DCLK2: variants seen among roughly 807,000 people sequenced by gnomAD.
The protein encoded by DCLK2 is serine/threonine-protein kinase DCLK2.
DCLK2 carries 31 observed loss-of-function variants against 78.4 expected under a neutral mutation model. The ratio of observed to expected loss-of-function variants is 0.40; its 90% confidence interval spans 0.30 to 0.53. The LOEUF is 0.53. DCLK2 is among the 20% of genes least tolerant of loss of function. DCLK2 has a pLI of 0.61. For synonymous variants in DCLK2, 407 were observed against 374.9 expected (o/e 1.09, Z -0.99); for missense variants, 872 against 973.7 (o/e 0.90, Z 1.39).
intron 15 of DCLK2, chr4:150,254,482 C>A: frequency 2.5e-6 from 1 of 398,818 alleles, no homozygotes; most frequent in Non-Finnish European, 4.4e-6. Flanking sequence ...GCCACACACG[C>A]CCCTGTGCTT....
chr4:150,169,801 C>G (rs1736379044), intron 2 of DCLK2, among the ~76,000 whole-genome samples: 1 of 152,134 alleles, frequency 6.6e-6, no homozygotes, highest in South Asian at 2.1e-4. Flanking sequence ...ATGATCTAAT[C>G]CATTGGTGGC....
rs1744646199 is a variant in DCLK2 at position 150,257,434 on chromosome 4, A to G, written c.*1187A>G. The G allele has an allele frequency of 6.6e-6, 1 of 152,628 alleles. No homozygotes were observed. The highest frequency in any genetic ancestry group is 1.5e-5 in the Non-Finnish European group (1 of 68,052). The allele number at this position is 152,628 out of a possible 1,614,324, so 9.5% of individuals were successfully genotyped here. ...CTGCAATAAACTTTTCCCTCTTGAA[A>G]AAAAGTAATCAGGGATGGGCAAAGG... On this transcript the variant is annotated 3_prime_UTR_variant, in exon 16 of 16. Coordinates refer to ENST00000296550, the MANE Select transcript of DCLK2 (RefSeq NM_001040260.4).
chr4:150,106,368 C>G (rs1731253435), intron 2 of DCLK2, among the ~76,000 whole-genome samples: 1 of 152,092 alleles, frequency 6.6e-6, no homozygotes, highest in Non-Finnish European at 1.5e-5. Context: ...CATGCTTGAT[C>G]TTGGCCAAAA....
chr4:150,198,908 G>GAA (rs1739254164), intron 4 of DCLK2: 1 of 496,492 alleles, frequency 2.0e-6, no homozygotes, highest in South Asian at 2.2e-5. Flanking sequence ...TCCCCTTTCA[G>GAA]CACCCCCCCC....
At chr4:150,218,318 A>C (rs1740902623) in intron 5 of DCLK2, among the ~76,000 whole-genome samples, 1 of 152,218 alleles carries the variant, frequency 6.6e-6, no homozygotes. Flanking sequence ...TCAAATAAAC[A>C]TTGGGAAAAT....
At chr4:150,155,716 A>C (rs1735222280) in intron 2 of DCLK2, among the ~76,000 whole-genome samples, 1 of 152,202 alleles carries the variant, frequency 6.6e-6, no homozygotes, top group Non-Finnish European at 1.5e-5. Context: ...TATGGTGGGC[A>C]TTGTACATCA....
At chr4:150,111,594 G>T (rs746049407) in intron 2 of DCLK2, among the ~76,000 whole-genome samples, 2 of 152,056 alleles carry the variant, frequency 1.3e-5, no homozygotes, top group Non-Finnish European at 2.9e-5. Context: ...TTTCCTTCTA[G>T]AATTTTTATG....
rs538324237 is a variant in DCLK2, at chr4:150,174,026, C to A, written c.757-19112C>A. The stretch of plus-strand genomic sequence containing the variant: ...GGCAAAGAAGGAGGGTATATCAAAA[C>A]ATGAATTGCTAACAGTAGCAGTCCT... On this transcript the variant is annotated intron_variant, in intron 2 of 15. Coordinates refer to ENST00000296550, the MANE Select transcript of DCLK2 (RefSeq NM_001040260.4). 1.2e-4 allele frequency among the ~76,000 whole-genome samples: 19 copies of A among 152,256 alleles called. No homozygotes were observed. The South Asian group carries it at 3.9e-3, about 32-fold the overall frequency.
chr4:150,232,309 TCTC>T lies in DCLK2; in HGVS notation c.1300-24_1300-22del, dbSNP rs1742138673. 5 of 1,606,766 alleles carry T rather than the reference TCTC, an allele frequency of 3.1e-6. No individual in the cohort carries two copies. The East Asian group carries it at 6.7e-5, about 22-fold the overall frequency. The stretch of plus-strand genomic sequence containing the variant: ...GAGCAGAGGGTTCTGTGATTTCTGA[TCTC>T]CTCTCTATACCGTTCATTTGACAGG... On this transcript the variant is annotated intron_variant, in intron 8 of 15. Coordinates refer to ENST00000296550, the MANE Select transcript of DCLK2 (RefSeq NM_001040260.4).
intron 2 of DCLK2, among the ~76,000 whole-genome samples, chr4:150,175,858 C>A (rs184665171): frequency 3.7e-4 from 57 of 152,140 alleles, no homozygotes; most frequent in Non-Finnish European, 6.5e-4. Flanking sequence ...GCCCTCTCTC[C>A]CCTCTCTGTA....
chr4:150,128,454 C>T (rs1234461160), intron 2 of DCLK2, among the ~76,000 whole-genome samples: 5 of 152,096 alleles, frequency 3.3e-5, no homozygotes, highest in African/African-American at 1.2e-4. Flanking sequence ...ATTTGGACCT[C>T]ATCCATTGGG....
chr4:150,204,524 T>C (rs1253865288), intron 5 of DCLK2, among the ~76,000 whole-genome samples: 2 of 152,206 alleles, frequency 1.3e-5, no homozygotes, highest in African/African-American at 4.8e-5. Flanking sequence ...TTATTTGATG[T>C]AGTAGTTCCT....
At chr4:150,199,090 C>G (rs10015813) in intron 4 of DCLK2, 2 of 1,593,494 alleles carry the variant, frequency 1.3e-6, no homozygotes, top group Non-Finnish European at 8.5e-7. Context: ...TGAGCCATGA[C>G]TATTGTGGCT....
Position 150,248,362 on chromosome 4 carries a change from A to G in DCLK2, c.1933A>G (p.Ile645Val), listed in dbSNP as rs1172371489. The part of the protein sequence containing the change: ...NVEARCTAGQ[I>V]LSHPWVSDDA... Reference sequence around the variant, plus strand: ...TGAAGCTCGGTGTACCGCGGGACAAATCCTGAGTCACCCCTGGGTGTCAGT... The same window carrying G: ...TGAAGCTCGGTGTACCGCGGGACAAGTCCTGAGTCACCCCTGGGTGTCAGT... Residue 645 changes from isoleucine (I) to valine (V), a missense_variant, in exon 14 of 16, where the codon ATC becomes GTC. Coordinates refer to ENST00000296550, the MANE Select transcript of DCLK2 (RefSeq NM_001040260.4). 6.2e-7 allele frequency: 1 copy of G among 1,613,912 alleles called. No individual in the cohort carries two copies. Among genetic ancestry groups the G allele is most frequent in the Non-Finnish European group, 8.5e-7 (1 of 1,179,976 alleles).
intron 14 of DCLK2, 36 bp downstream of exon 14, chr4:150,248,421 G>C (rs768164898): frequency 6.4e-7 from 1 of 1,561,752 alleles, no homozygotes; most frequent in Non-Finnish European, 8.8e-7. Context: ...GGGCCTCACT[G>C]TGCTCTGTGG....
chr4:150,232,626 A>G, intron 9 of DCLK2, 56 bp from the exon 10 acceptor site: 1 of 1,580,524 alleles, frequency 6.3e-7, no homozygotes, highest in South Asian at 1.1e-5. Flanking sequence ...CATCTTTCTT[A>G]CCTTCATAGG....
chr4:150,157,167 G>GC, intron 2 of DCLK2, among the ~76,000 whole-genome samples: 1 of 137,252 alleles, frequency 7.3e-6, no homozygotes, highest in Non-Finnish European at 1.6e-5. Flanking sequence ...TTTCTCACCT[G>GC]TTTTTTTTTT....
intron 2 of DCLK2, among the ~76,000 whole-genome samples, chr4:150,124,967 A>C (rs1280638172): frequency 6.6e-6 from 1 of 152,228 alleles, no homozygotes; most frequent in Non-Finnish European, 1.5e-5. Flanking sequence ...AATTTGATTT[A>C]AATATATTTA....
At chr4:150,177,098 C>T (rs761587685) in intron 2 of DCLK2, among the ~76,000 whole-genome samples, 18 of 152,176 alleles carry the variant, frequency 1.2e-4, no homozygotes, top group Non-Finnish European at 2.4e-4. Context: ...CAAGTGTCCT[C>T]TGCCTTTAAA....
Sources: gnomAD v4.1 joint callset for allele counts (sites outside exome capture counted in the v4.1 genomes callset) on GRCh38, gnomAD v4.1.1 for gene constraint, MANE v1.5 for transcripts, NCBI Gene and HGNC (gene_info 2026-07-23, HGNC 2026-07-21) for gene names.